Variants in DOCK8 observed in about 807,000 individuals in gnomAD.
The protein encoded by DOCK8 is dedicator of cytokinesis protein 8.
DOCK8 carries 141 observed loss-of-function variants against 245.6 expected under a neutral mutation model. The ratio of observed to expected loss-of-function variants is 0.57; its 90% CI spans 0.50 to 0.66. DOCK8 has a LOEUF of 0.66. DOCK8 is among the 30% of genes least tolerant of loss of function. The pLI is 0.00. For missense variants in DOCK8, 2,965 were observed against 2,603.4 expected (o/e 1.14, Z -3.02); for synonymous variants, 1,168 against 970.2 (o/e 1.20, Z -3.79).
intron 12 of DOCK8, among the ~76,000 whole-genome samples, 189 bp downstream of exon 12, chr9:336,907 T>C (rs1461437340): frequency 6.6e-6 from 1 of 152,214 alleles, no homozygotes; most frequent in East Asian, 1.9e-4. Context: ...ATTTGTTTCT[T>C]TCAGTTTTGA....
intron 30 of DOCK8, 93 bp downstream of exon 30, chr9:418,300 C>T: frequency 6.5e-7 from 1 of 1,530,670 alleles, no homozygotes; most frequent in Non-Finnish European, 9.0e-7. Flanking sequence ...GAGACAGAGT[C>T]TCACTCTGTT....
intron 9 of DOCK8, among the ~76,000 whole-genome samples, chr9:331,855 T>C (rs1004075588): frequency 1.3e-5 from 2 of 152,222 alleles, no homozygotes; most frequent in African/African-American, 4.8e-5. Context: ...TTAGCCCTGA[T>C]AGGAATTACA....
chr9:420,372 C>T (rs1347074646), intron 30 of DOCK8, 29 bp from the exon 31 acceptor site: 11 of 1,613,566 alleles, frequency 6.8e-6, no homozygotes, highest in South Asian at 1.1e-5. Flanking sequence ...TCTTCCCTGG[C>T]CTCCATCCCC....
intron 23 of DOCK8, among the ~76,000 whole-genome samples, chr9:390,055 C>G (rs1206383018): frequency 6.6e-6 from 1 of 151,198 alleles, no homozygotes; most frequent in Admixed American, 6.6e-5. Flanking sequence ...CTGCCACCAA[C>G]CAACTGATTT....
chr9:246,055 A>G (rs528341916), intron 1 of DOCK8, among the ~76,000 whole-genome samples: 1 of 152,262 alleles, frequency 6.6e-6, no homozygotes. Flanking sequence ...CCTAGTCTCT[A>G]CTAAAAATAC....
At chr9:364,424 G>A (rs574652364) in intron 14 of DOCK8, among the ~76,000 whole-genome samples, 1 of 152,222 alleles carries the variant, frequency 6.6e-6, no homozygotes, top group East Asian at 1.9e-4. Flanking sequence ...CTGAAGGCCA[G>A]GAGTTCAAGA....
chr9:300,019 C>CAA (rs71312802), intron 4 of DOCK8, among the ~76,000 whole-genome samples: 4,019 of 132,826 alleles, frequency 0.03, 90 homozygotes, highest in South Asian at 0.059. Context: ...GACTCCGTCT[C>CAA]AAAAAAAAAA....
chr9:215,118 C>T (rs913947752), intron 1 of DOCK8, 89 bp downstream of exon 1: 30 of 1,487,042 alleles, frequency 2.0e-5, no homozygotes, highest in Non-Finnish European at 2.7e-5. Flanking sequence ...CGAGGCCGGA[C>T]GAGTCCATTC....
intron 1 of DOCK8, among the ~76,000 whole-genome samples, chr9:237,682 A>G (rs192378020): frequency 7.2e-5 from 11 of 152,222 alleles, no homozygotes; most frequent in African/African-American, 2.6e-4. Flanking sequence ...AATAAAATCT[A>G]ATTGCAGGCA....
Position 336,719 on chromosome 9 carries a change from G to T in DOCK8, c.1422+1G>T. ...GAGCGTTAGCAGCTTTTTCAAGCAG[G>T]TATCTCTTCACATTACAGTGTGTCT... is the stretch of plus-strand genomic sequence containing the variant. On this transcript the variant is annotated splice_donor_variant, in intron 12 of 47. Coordinates refer to ENST00000432829, the MANE Select transcript of DOCK8 (RefSeq NM_203447.4). LOFTEE classifies it high-confidence loss of function. 6.2e-7 allele frequency: 1 copy of T among 1,613,922 alleles called. No individual in the cohort carries two copies. The highest frequency in any genetic ancestry group is 8.5e-7 in the Non-Finnish European group (1 of 1,179,912).
intron 30 of DOCK8, among the ~76,000 whole-genome samples, chr9:419,089 A>T (rs2056163551): frequency 6.6e-6 from 1 of 152,160 alleles, no homozygotes; most frequent in Admixed American, 6.5e-5. Flanking sequence ...TTCATTGATG[A>T]GCTCTGACTA....
chr9:292,555 C>T lies in DOCK8; in HGVS notation c.404+2974C>T, dbSNP rs1490085132. On this transcript the variant is annotated intron_variant, in intron 4 of 47. Transcript: ENST00000432829. ...TTAGGCATCTTTCTTCTATATATTT[C>T]TTGGCCATTTTTTATTTTTCCTGGT... Among the ~76,000 whole-genome samples, 6 of 150,790 alleles carry T rather than the reference C, an allele frequency of 4.0e-5. No individual in the cohort carries two copies. In the East Asian group the frequency reaches 9.7e-4, roughly 24 times the overall value.
intron 14 of DOCK8, among the ~76,000 whole-genome samples, chr9:364,298 G>GC (rs2052872486): frequency 6.6e-6 from 1 of 152,046 alleles, no homozygotes; most frequent in African/African-American, 2.4e-5. Context: ...ACGTTTAGTG[G>GC]CATAAAAAAA....
At chr9:283,394 C>G (rs1367071134) in intron 2 of DOCK8, among the ~76,000 whole-genome samples, 1 of 152,222 alleles carries the variant, frequency 6.6e-6, no homozygotes. Flanking sequence ...TTCATACACA[C>G]AATACTTTTT....
At chr9:213,605 C>G (rs553156202), upstream of DOCK8, 1 of 151,956 alleles carries the variant, frequency 6.6e-6, no homozygotes, top group East Asian at 1.9e-4. Flanking sequence ...TTCCAGTGTA[C>G]ATTTTACACA....
rs1362709968 is a variant in DOCK8 at position 429,750 on chromosome 9, T to C, written c.4522T>C (p.Cys1508Arg). 1 of 1,614,222 alleles carries C rather than the reference T, an allele frequency of 6.2e-7. No individual in the cohort carries two copies. Among genetic ancestry groups the C allele is most frequent in the South Asian group, 1.1e-5 (1 of 91,088 alleles). ...GGAGGTGGAACAGTGTTTCGACCTA[T>C]GTCACCAAGTCCTGCACCACTGCAG... The part of the protein sequence containing the change: ...EEEVEQCFDL[C>R]HQVLHHCSSS... Residue 1508 changes from cysteine to arginine, a missense_variant, in exon 36 of 48, where the codon TGT becomes CGT. Coordinates refer to ENST00000432829, the MANE Select transcript of DOCK8 (RefSeq NM_203447.4).
At chr9:234,495 C>G (rs969157344) in intron 1 of DOCK8, among the ~76,000 whole-genome samples, 14 of 152,328 alleles carry the variant, frequency 9.2e-5, no homozygotes, top group Middle Eastern at 3.4e-3. Context: ...AGAGTGTTTT[C>G]CAACTTGGTT....
chr9:235,595 C>T (rs549158678), intron 1 of DOCK8, among the ~76,000 whole-genome samples: 19 of 152,186 alleles, frequency 1.2e-4, no homozygotes, highest in South Asian at 4.1e-4. Flanking sequence ...ACAACTAACT[C>T]GGCAATGGTG....
intron 9 of DOCK8, among the ~76,000 whole-genome samples, chr9:328,941 C>CTTTTTTTTTTTTTTTTTTTTTTTT (rs1165346763): frequency 2.8e-5 from 2 of 71,348 alleles, no homozygotes; most frequent in African/African-American, 1.1e-4. Flanking sequence ...CTTATTGATT[C>CTTTTTTTTTTTTTTTTTTTTTTTT]TTTTTTTTTT....
Sources: allele counts gnomAD v4.1 joint callset (sites outside exome capture counted in the v4.1 genomes callset), GRCh38; gene constraint gnomAD v4.1.1; transcripts MANE v1.5; gene names NCBI Gene and HGNC (gene_info 2026-07-23, HGNC 2026-07-21).